CNOT3: variants seen among roughly 807,000 people sequenced by gnomAD.
CNOT3 encodes CCR4-associated factor 3.
A neutral mutation model predicts 89.4 loss-of-function variants in CNOT3; 2 were observed. That is an observed-to-expected ratio of 0.02 (90% CI 0.01 to 0.07). The LOEUF (loss-of-function observed/expected upper bound fraction) is 0.07. Among genes scored for constraint, CNOT3 ranks in the 10% least tolerant of loss-of-function variants. CNOT3 has a pLI of 1.00. For missense variants in CNOT3, 664 were observed against 1,010.2 expected (o/e 0.66, Z 4.65); for synonymous variants, 486 against 402.0 (o/e 1.21, Z -2.50).
At position 54,148,663 on chromosome 19, in the gene CNOT3, G is replaced by C. The variant is rs2074842377; in HGVS notation, c.1326G>C (p.Leu442Phe). 2.5e-6 allele frequency: 4 copies of C among 1,610,880 alleles called. No individual in the cohort carries two copies. The highest frequency in any genetic ancestry group is 3.4e-6 in the Non-Finnish European group (4 of 1,178,706). ...VVADSPAEVA[L>F]SSSGGNNASS... ...CAGACAGCCCGGCAGAGGTGGCTTT[G>C]AGCAGCAGTGGGGGCAACAATGCCA... The change falls in exon 12 of 18, where the codon TTG (leucine) becomes TTC (phenylalanine). Residue 442 changes from leucine to phenylalanine, a missense_variant. Leu to Phe is a conservative substitution (Grantham distance 22). This residue lies in a region of CNOT3 where 545 missense variants were observed against 566.2 expected (regional missense o/e 0.96). Coordinates refer to ENST00000221232, the MANE Select transcript of CNOT3 (RefSeq NM_014516.4). This position sits in a 1 kb window ranked among gnomAD's most constrained non-coding sequence, Gnocchi z 6.3.
At chr19:54,154,110 C>A in intron 17 of CNOT3, 1 of 670,560 alleles carries the variant, frequency 1.5e-6, no homozygotes, top group Non-Finnish European at 2.8e-6. Flanking sequence ...CAGCCCAGTG[C>A]CTCCCCTTTG....
In CNOT3 at chr19:54,147,882, C is replaced by T. The variant is rs2074770076; in HGVS notation, c.895-266C>T. On this transcript the variant is annotated intron_variant, in intron 10 of 17. Transcript: ENST00000221232. ...TGACAACCTAAGTTGTGTGTCAGAT[C>T]CCTGTGGGGGTGTCCATGGGGCGGT... is the stretch of plus-strand genomic sequence containing the variant. 2.0e-5 allele frequency among the ~76,000 whole-genome samples: 3 copies of T among 152,138 alleles called. No homozygotes were observed. In the South Asian group the frequency reaches 6.2e-4, roughly 32 times the overall value.
At chr19:54,147,258 TAGGC>T (rs1299651125) in intron 10 of CNOT3, among the ~76,000 whole-genome samples, 2 of 152,244 alleles carry the variant, frequency 1.3e-5, no homozygotes, top group African/African-American at 4.8e-5. Context: ...AGAACAATGT[TAGGC>T]AGGAGCAGCA....
intron 1 of CNOT3, among the ~76,000 whole-genome samples, chr19:54,140,468 C>G (rs2074403272): frequency 6.6e-6 from 1 of 152,136 alleles, no homozygotes; most frequent in African/African-American, 2.4e-5. Context: ...AAATGGGGCT[C>G]TTTCTTCTCT....
Position 54,145,454 on chromosome 19 carries a change from C to G in CNOT3, c.484-144C>G, listed in dbSNP as rs587685412. ...CACAGGGCTCAGAGGGTGGGTGGAC[C>G]CCATACTGCCCCACCCCGAAGGGGA... On this transcript the variant is annotated intron_variant, in intron 7 of 17. Transcript: ENST00000221232. This position sits in a 1 kb window ranked among gnomAD's most constrained non-coding sequence, Gnocchi z 5.9. The G allele has an allele frequency of 1.6e-6, 1 of 632,270 alleles. No individual in the cohort carries two copies. Among genetic ancestry groups the G allele is most frequent in the East Asian group, 2.7e-5 (1 of 36,598 alleles). The allele number at this position is 632,270 out of a possible 1,614,324, so 39.2% of individuals were successfully genotyped here. A position where few individuals can be genotyped will look rare whatever the true frequency, so the allele number is the denominator to read the frequency against.
At chr19:54,151,958 C>T (rs1006580886) in intron 13 of CNOT3, among the ~76,000 whole-genome samples, 4 of 152,212 alleles carry the variant, frequency 2.6e-5, no homozygotes, top group African/African-American at 7.2e-5. Flanking sequence ...TAGTATGTCA[C>T]GAACTTGTAT....
In CNOT3 at chr19:54,145,643, C is replaced by T. The variant is rs1344559412; in HGVS notation, c.529C>T (p.Arg177Cys). 6.2e-7 allele frequency: 1 copy of T among 1,613,892 alleles called. No individual in the cohort carries two copies. Among genetic ancestry groups the T allele is most frequent in the Non-Finnish European group, 8.5e-7 (1 of 1,179,832 alleles). ...CTTGAAGCGGCACATCGAGAAGCAC[C>T]GCTACCACGTGCGCATGCTAGAGAC... ...EGLKRHIEKH[R>C]YHVRMLETIL... Residue 177 changes from arginine to cysteine, a missense_variant, in exon 8 of 18, where the codon CGC becomes TGC. Transcript: ENST00000221232. The surrounding 1 kb of genome is among the most constrained non-coding windows in gnomAD (Gnocchi z 5.9).
At position 54,148,017 on chromosome 19, in the gene CNOT3, G is replaced by T; in HGVS notation, c.895-131G>T. 3.3e-6 allele frequency: 2 copies of T among 601,426 alleles called. No individual in the cohort carries two copies. Among genetic ancestry groups the T allele is most frequent in the Admixed American group, 3.8e-5 (1 of 26,544 alleles). The allele number at this position is 601,426 out of a possible 1,614,324, so 37.3% of individuals were successfully genotyped here. A position where few individuals can be genotyped will look rare whatever the true frequency, so the allele number is the denominator to read the frequency against. On this transcript the variant is annotated intron_variant, in intron 10 of 17. Transcript: ENST00000221232. This position sits in a 1 kb window ranked among gnomAD's most constrained non-coding sequence, Gnocchi z 6.3. ...AGTAAGGTCACCCAGGTCCCCAAGAGGGCAGGAGCAGGTGGGGGCAGCGAG... is the reference window on the plus strand; with the variant it reads ...AGTAAGGTCACCCAGGTCCCCAAGATGGCAGGAGCAGGTGGGGGCAGCGAG...
rs2074605446 is a variant in CNOT3 at position 54,145,083 on chromosome 19, C to T, written c.484-515C>T. Among the ~76,000 whole-genome samples, 1 of 151,708 alleles carries T rather than the reference C, an allele frequency of 6.6e-6. No individual in the cohort carries two copies. The highest frequency in any genetic ancestry group is 2.1e-4 in the South Asian group (1 of 4,812). The stretch of plus-strand genomic sequence containing the variant: ...AGGGGCCTTGAGGGGAGGGCAGGAG[C>T]GAGGCTTAGGAATCTGGGCTCTCTC... On this transcript the variant is annotated intron_variant, in intron 7 of 17. Transcript: ENST00000221232. The surrounding 1 kb of genome is among the most constrained non-coding windows in gnomAD (Gnocchi z 5.9).
At chr19:54,138,556 C>T (rs1176036501) in intron 1 of CNOT3, among the ~76,000 whole-genome samples, 2 of 152,096 alleles carry the variant, frequency 1.3e-5, no homozygotes, top group African/African-American at 2.4e-5. Flanking sequence ...GGGGAGTCAC[C>T]CTTCCCAGGA....
At chr19:54,149,809 C>A in intron 13 of CNOT3, 51 bp downstream of exon 13, 1 of 1,520,090 alleles carries the variant, frequency 6.6e-7, no homozygotes, top group South Asian at 1.2e-5. Flanking sequence ...TCTGTTGTTT[C>A]TTTCCTCCAG....
At position 54,148,802 on chromosome 19, in the gene CNOT3, A is replaced by G; in HGVS notation, c.1406+59A>G. The G allele has an allele frequency of 2.6e-6, 4 of 1,557,704 alleles. No individual in the cohort carries two copies. In the South Asian group the frequency reaches 3.5e-5, roughly 14 times the overall value. ...GCAGCCTTTTGAAACAGAGAGGCGC[A>G]GGCGCCTCACCCCCGCATCGGTGGG... On this transcript the variant is annotated intron_variant, in intron 12 of 17. Transcript: ENST00000221232. The surrounding 1 kb of genome is among the most constrained non-coding windows in gnomAD (Gnocchi z 6.3).
At chr19:54,152,825 A>G (rs2075199620) in intron 15 of CNOT3, 42 bp from the exon 16 acceptor site, 1 of 958,766 alleles carries the variant, frequency 1.0e-6, no homozygotes, top group Non-Finnish European at 1.6e-6. Context: ...TCACGACAGG[A>G]CTAGTAGGCA....
intron 17 of CNOT3, 136 bp from the exon 18 acceptor site, chr19:54,155,173 G>A: frequency 1.1e-6 from 1 of 908,226 alleles, no homozygotes; most frequent in Non-Finnish European, 1.7e-6. Flanking sequence ...ATGGATGAGA[G>A]TGTGTGCGTG....
intron 1 of CNOT3, among the ~76,000 whole-genome samples, chr19:54,140,923 C>T (rs2074424037): frequency 6.6e-6 from 1 of 152,168 alleles, no homozygotes; most frequent in Non-Finnish European, 1.5e-5. Context: ...GTGTTGATTG[C>T]CTTGTTTAGG....
rs975694197 is a variant in CNOT3 at position 54,144,482 on chromosome 19, C to G, written c.483+150C>G. On this transcript the variant is annotated intron_variant, in intron 7 of 17. Transcript: ENST00000221232. This position sits in a 1 kb window ranked among gnomAD's most constrained non-coding sequence, Gnocchi z 4.8. ...CAGCCGGGATTAGGGATTTGAGAGA[C>G]AGGATTGGGAGGGCTTAGCAGCTGC... The G allele has an allele frequency of 1.4e-5, 9 of 666,276 alleles. No individual in the cohort carries two copies. The highest frequency in any genetic ancestry group is 2.2e-5 in the Non-Finnish European group (8 of 371,078). The allele number at this position is 666,276 out of a possible 1,614,324, so 41.3% of individuals were successfully genotyped here. A position where few individuals can be genotyped will look rare whatever the true frequency, so the allele number is the denominator to read the frequency against.
chr19:54,153,064 C>A, intron 16 of CNOT3, 65 bp downstream of exon 16: 1 of 1,542,898 alleles, frequency 6.5e-7, no homozygotes, highest in Non-Finnish European at 8.9e-7. Context: ...GCCGTCCCCC[C>A]TCGGGCTGGA....
rs2074574289 is a variant in CNOT3 at position 54,144,403 on chromosome 19, G to A, written c.483+71G>A. On this transcript the variant is annotated intron_variant, in intron 7 of 17. Transcript: ENST00000221232. The surrounding 1 kb of genome is among the most constrained non-coding windows in gnomAD (Gnocchi z 4.8). ...GAATGGGCTGGCCAGCAGGAGGCCAGTCATTTATGCTCCTGGGAGTTGGGG... is the reference window on the plus strand; with the variant it reads ...GAATGGGCTGGCCAGCAGGAGGCCAATCATTTATGCTCCTGGGAGTTGGGG... 8.9e-7 allele frequency: 1 copy of A among 1,128,042 alleles called. No homozygotes were observed. The highest frequency in any genetic ancestry group is 1.3e-5 in the South Asian group (1 of 78,670). 69.9% of individuals were successfully genotyped at this position (1,128,042 alleles called of 1,614,324 possible).
intron 17 of CNOT3, chr19:54,154,721 T>C (rs1486100218): frequency 2.6e-5 from 4 of 153,426 alleles, no homozygotes; most frequent in Non-Finnish European, 5.8e-5. Context: ...ATTTAGAACC[T>C]AGGTCCTCTC....
Sources: gnomAD v4.1 joint callset for allele counts (sites outside exome capture counted in the v4.1 genomes callset) on GRCh38, gnomAD v4.1.1 for gene constraint, gnomAD v4.1.1 regional missense constraint, Gnocchi (gnomAD v3.1) non-coding constraint, MANE v1.5 for transcripts, NCBI Gene and HGNC (gene_info 2026-07-23, HGNC 2026-07-21) for gene names.